The following TMEM209 variants were observed in gnomAD, a reference collection of about 807,000 sequenced individuals.
TMEM209 encodes transmembrane protein 209.
A neutral mutation model predicts 76.2 loss-of-function variants in TMEM209; 65 were observed. The ratio of observed to expected loss-of-function variants is 0.85; its 90% confidence interval spans 0.70 to 1.05. The LOEUF (loss-of-function observed/expected upper bound fraction) is 1.05. Ranked by LOEUF, TMEM209 falls within the 50% of genes least tolerant of loss-of-function variation. The probability of loss-of-function intolerance (pLI) is 0.00; values close to 1 mark genes in which losing one functional copy is unlikely to be tolerated. For synonymous variants in TMEM209, 239 were observed against 237.6 expected (o/e 1.01, Z -0.06); for missense variants, 623 against 685.5 (o/e 0.91, Z 1.02).
chr7:130,186,430 A>C (rs7807764), intron 6 of TMEM209, among the ~76,000 whole-genome samples: 39,240 of 152,020 alleles, frequency 0.26, 5,368 homozygotes, highest in East Asian at 0.39. Flanking sequence ...GAAACATCAC[A>C]CTGTATGAAA....
chr7:130,196,257 A>T (rs928192394), intron 5 of TMEM209, among the ~76,000 whole-genome samples: 18 of 151,778 alleles, frequency 1.2e-4, no homozygotes, highest in African/African-American at 4.4e-4. Flanking sequence ...TCTTCTGGGG[A>T]TGTATTCGAT....
Position 130,194,436 on chromosome 7 carries a change from C to T in TMEM209, c.574-1613G>A, listed in dbSNP as rs535949621. Among the ~76,000 whole-genome samples, 14 of 151,702 alleles carry T rather than the reference C, an allele frequency of 9.2e-5. 1 individual carries two copies. In the South Asian group the frequency reaches 2.5e-3, roughly 27 times the overall value. On this transcript the variant is annotated intron_variant, in intron 5 of 14. Transcript: ENST00000397622. Reference sequence around the variant, plus strand: ...CCAGCCTGGGTGATAAAGAGCAAGACCCTATCTCTTAAAAAAACAAGTAAC... The same window carrying T: ...CCAGCCTGGGTGATAAAGAGCAAGATCCTATCTCTTAAAAAAACAAGTAAC...
intron 6 of TMEM209, among the ~76,000 whole-genome samples, chr7:130,185,928 G>A (rs1405006738): frequency 1.3e-5 from 2 of 152,082 alleles, no homozygotes; most frequent in African/African-American, 4.8e-5. Context: ...TTTAAGAAAT[G>A]TAAAAAAAAG....
chr7:130,199,255 G>A (rs1798103187), intron 5 of TMEM209, among the ~76,000 whole-genome samples: 1 of 149,890 alleles, frequency 6.7e-6, no homozygotes, highest in East Asian at 1.9e-4. Context: ...GTCTTGCTGT[G>A]TCGCCCAGGC....
chr7:130,199,915 CAAATCACATGTAAT>C (rs1798127321), intron 5 of TMEM209: 1 of 151,966 alleles, frequency 6.6e-6, no homozygotes, highest in Non-Finnish European at 1.5e-5. Flanking sequence ...CCGAAAAAGA[CAAATCACATGTAAT>C]TCAAAGGAGG....
At chr7:130,187,834 C>G (rs556405917) in intron 6 of TMEM209, among the ~76,000 whole-genome samples, 18 of 152,134 alleles carry the variant, frequency 1.2e-4, no homozygotes, top group African/African-American at 3.6e-4. Context: ...AAATACAAAA[C>G]AGCTAGGAAG....
chr7:130,184,330 C>T (rs1160016327), intron 7 of TMEM209, 75 bp from the exon 8 acceptor site: 1 of 1,094,326 alleles, frequency 9.1e-7, no homozygotes, highest in African/African-American at 1.6e-5. Context: ...TTTCTCCCAT[C>T]CTAAAAAATA....
intron 5 of TMEM209, 118 bp from the exon 6 acceptor site, chr7:130,192,941 T>A: frequency 1.1e-6 from 1 of 901,398 alleles, no homozygotes; most frequent in Non-Finnish European, 1.7e-6. Context: ...ACTGACAACA[T>A]CAAACGCTGA....
chr7:130,184,094 A>G (rs1450692215), intron 8 of TMEM209, 90 bp downstream of exon 8: 3 of 876,020 alleles, frequency 3.4e-6, no homozygotes, highest in Non-Finnish European at 5.2e-6. Flanking sequence ...TAATATTCTA[A>G]TTTATAATGA....
At position 130,188,412 on chromosome 7, in the gene TMEM209, T is replaced by C. The variant is rs561873970; in HGVS notation, c.776-3045A>G. ...GAGATCGAGACCATCCTGGCTAACA[T>C]GGTGAAACCCCGTCTCTACTAAAAA... On this transcript the variant is annotated intron_variant, in intron 6 of 14. Transcript: ENST00000397622. Among the ~76,000 whole-genome samples the C allele has an allele frequency of 6.1e-3, 931 of 151,780 alleles. 6 individuals are homozygous for C. The highest frequency in any genetic ancestry group is 9.8e-3 in the South Asian group (47 of 4,802).
At chr7:130,178,763 T>C (rs902977985) in intron 9 of TMEM209, among the ~76,000 whole-genome samples, 4 of 152,096 alleles carry the variant, frequency 2.6e-5, no homozygotes, top group African/African-American at 7.2e-5. Context: ...CTGTCCAATG[T>C]ACTTTTTTTC....
At chr7:130,205,351 A>C (rs950065255) in intron 1 of TMEM209, 22 bp downstream of exon 1, 11 of 1,613,772 alleles carry the variant, frequency 6.8e-6, no homozygotes, top group Admixed American at 5.0e-5. Flanking sequence ...CAGGAAGCAC[A>C]AACACGACCC....
intron 13 of TMEM209, among the ~76,000 whole-genome samples, chr7:130,171,334 T>G (rs1272838493): frequency 6.6e-6 from 1 of 152,218 alleles, no homozygotes; most frequent in African/African-American, 2.4e-5. Context: ...AATCAAACTA[T>G]TATATGTAAT....
At position 130,204,104 on chromosome 7, in the gene TMEM209, C is replaced by G. The variant is rs1303638907; in HGVS notation, c.10G>C (p.Gly4Arg). Residue 4 changes from glycine to arginine, a missense_variant, in exon 2 of 15, where the codon GGG (glycine) becomes CGG (arginine). By Grantham distance (125) the Gly-to-Arg change is moderately radical. Transcript: ENST00000397622. MMQ[G>R]EAHPSASLID... ...AGGGAAGCACTAGGGTGTGCCTCCC[C>G]CTGCATCTATGAAAAAACAAAAAGC... 4 of 1,603,378 alleles carry G rather than the reference C, an allele frequency of 2.5e-6. No homozygotes were observed.
intron 7 of TMEM209, among the ~76,000 whole-genome samples, chr7:130,184,931 CT>C (rs1208902180): frequency 2.0e-5 from 3 of 152,170 alleles, no homozygotes; most frequent in African/African-American, 7.2e-5. Context: ...ACCTGAGAGC[CT>C]TTTTATAATC....
At chr7:130,204,554 C>A (rs1435855129) in intron 1 of TMEM209, among the ~76,000 whole-genome samples, 1 of 152,180 alleles carries the variant, frequency 6.6e-6, no homozygotes, top group Non-Finnish European at 1.5e-5. Context: ...TTTGGCCAGG[C>A]TGGTCTCGAA....
At chr7:130,196,303 T>C (rs1484683340) in intron 5 of TMEM209, among the ~76,000 whole-genome samples, 5 of 151,268 alleles carry the variant, frequency 3.3e-5, no homozygotes, top group African/African-American at 1.2e-4. Flanking sequence ...ATTTTGGTTT[T>C]CTACTTCTTA....
intron 7 of TMEM209, 135 bp from the exon 8 acceptor site, chr7:130,184,390 T>G: frequency 3.3e-6 from 2 of 600,630 alleles, no homozygotes; most frequent in Non-Finnish European, 5.7e-6. Flanking sequence ...TTCATCTAAT[T>G]AATATTCAGT....
At position 130,171,560 on chromosome 7, in the gene TMEM209, A is replaced by C. The variant is rs114691996; in HGVS notation, c.1558-1087T>G. ...ATATTCACAAGAACTTCAATGGCCC[A>C]AAGTATTTACATACAAAGCTAAAAT... On this transcript the variant is annotated intron_variant, in intron 13 of 14. Coordinates refer to ENST00000397622, the MANE Select transcript of TMEM209 (RefSeq NM_032842.4). 3.6e-3 allele frequency among the ~76,000 whole-genome samples: 547 copies of C among 152,382 alleles called. 3 individuals are homozygous for C. The highest frequency in any genetic ancestry group is 0.013 in the African/African-American group (533 of 41,596).
Sources: allele counts gnomAD v4.1 joint callset (sites outside exome capture counted in the v4.1 genomes callset), GRCh38; gene constraint gnomAD v4.1.1; transcripts MANE v1.5; gene names NCBI Gene and HGNC (gene_info 2026-07-23, HGNC 2026-07-21).